The following URI1 variants were observed in gnomAD, a reference collection of about 807,000 sequenced individuals.
URI1 encodes the protein unconventional prefoldin RPB5 interactor 1.
Under a neutral mutation model 60.2 loss-of-function variants are expected in URI1, and 39 were observed. That is an observed-to-expected ratio of 0.65 (90% CI 0.50 to 0.85). The LOEUF (loss-of-function observed/expected upper bound fraction) is 0.85, where lower values mean the gene tolerates loss of function less well. Among genes scored for constraint, URI1 ranks in the 40% least tolerant of loss-of-function variants. The probability of loss-of-function intolerance (pLI) is 0.00; values close to 1 mark genes in which losing one functional copy is unlikely to be tolerated. For missense variants in URI1, 691 were observed against 665.9 expected, an observed-to-expected ratio of 1.04 and a Z score of -0.42; for synonymous variants, 251 against 236.8, an observed-to-expected ratio of 1.06 and a Z score of -0.55.
intron 1 of URI1, among the ~76,000 whole-genome samples, chr19:29,970,320 A>G (rs1320303745): frequency 2.0e-5 from 3 of 151,894 alleles, no homozygotes; most frequent in Admixed American, 2.0e-4. Flanking sequence ...TCTGTCTCTA[A>G]AATGGTATAT....
At position 29,985,882 on chromosome 19, in the gene URI1, A is replaced by G. The variant is rs557780431; in HGVS notation, c.232-400A>G. Among the ~76,000 whole-genome samples, 5 of 152,214 alleles carry G rather than the reference A, an allele frequency of 3.3e-5. No homozygotes were observed. In the East Asian group the frequency reaches 9.6e-4, roughly 29 times the overall value. On this transcript the variant is annotated intron_variant, in intron 3 of 10. Transcript: ENST00000392271. ...TTTGTTTACTAATTCCTGCTTTGCA[A>G]AAGTGTCTACTTTATTGAAAATAAT...
At chr19:29,974,125 T>C (rs2055491955) in intron 2 of URI1, among the ~76,000 whole-genome samples, 1 of 152,192 alleles carries the variant, frequency 6.6e-6, no homozygotes. Context: ...GTTTTGACCT[T>C]GAACAATTAT....
At position 30,009,064 on chromosome 19, in the gene URI1, A is replaced by G. The variant is rs763464960; in HGVS notation, c.746A>G (p.Glu249Gly). Residue 249 changes from glutamate (E) to glycine (G), a missense_variant, in exon 8 of 11, where the codon GAA (glutamate) becomes GGA (glycine). Glu to Gly is a moderately conservative substitution (Grantham distance 98, BLOSUM62 -2). Transcript: ENST00000392271. Reference sequence around the variant, plus strand: ...ACGACATCTTCTGAAGAGGAAAAGGAAGATCGTAACACAAATGTGAATGCG... The same window carrying G: ...ACGACATCTTCTGAAGAGGAAAAGGGAGATCGTAACACAAATGTGAATGCG... ...EDTTSSEEEK[E>G]DRNTNVNAMH... 5.0e-6 allele frequency: 8 copies of G among 1,613,970 alleles called. No individual in the cohort carries two copies. Among genetic ancestry groups the G allele is most frequent in the Middle Eastern group, 3.3e-4 (2 of 6,062 alleles).
chr19:30,012,225 AGTT>A (rs1370823625), intron 9 of URI1, 57 bp from the exon 10 acceptor site: 46 of 1,498,572 alleles, frequency 3.1e-5, no homozygotes, highest in Middle Eastern at 1.8e-4. Flanking sequence ...ATTTTCAAAA[AGTT>A]GTTCTCAGTT....
intron 1 of URI1, among the ~76,000 whole-genome samples, chr19:29,930,834 A>G (rs2054910267): frequency 6.7e-6 from 1 of 150,350 alleles, no homozygotes; most frequent in African/African-American, 2.4e-5. Context: ...AGTAGACAGG[A>G]ATACTACTAA....
In URI1 at chr19:29,927,450, C is replaced by T. The variant is rs142363557; in HGVS notation, c.63+3696C>T. On this transcript the variant is annotated intron_variant, in intron 1 of 10. Coordinates refer to the URI1 transcript ENST00000360605. ...GGCTAATCTTTTATTTTAGTAGACA[C>T]GGGGTTTCACCATATTGGCCAGGCT... Among the ~76,000 whole-genome samples the T allele has an allele frequency of 1.6e-3, 242 of 150,918 alleles. 1 individual carries two copies. Among genetic ancestry groups the T allele is most frequent in the African/African-American group, 5.4e-3 (222 of 41,050 alleles).
At chr19:29,948,971 C>A (rs1186049815) in intron 1 of URI1, among the ~76,000 whole-genome samples, 1 of 150,184 alleles carries the variant, frequency 6.7e-6, no homozygotes, top group Non-Finnish European at 1.5e-5. Flanking sequence ...GGAGGCGCCC[C>A]CCACCTCCCG....
intron 4 of URI1, among the ~76,000 whole-genome samples, chr19:30,000,480 G>A (rs1388824175): frequency 6.6e-6 from 1 of 151,808 alleles, no homozygotes; most frequent in African/African-American, 2.4e-5. Context: ...GAATTTTTAT[G>A]TATCTGAATA....
intron 5 of URI1, 61 bp from the exon 6 acceptor site, chr19:30,005,590 A>G: frequency 1.9e-6 from 3 of 1,576,012 alleles, no homozygotes; most frequent in Middle Eastern, 1.7e-4. Context: ...TGCTCTTTGG[A>G]TAATTTTAGT....
chr19:29,991,052 C>G lies in URI1; in HGVS notation c.367+4635C>G, dbSNP rs145017034. 9.9e-5 allele frequency among the ~76,000 whole-genome samples: 15 copies of G among 152,220 alleles called. No individual in the cohort carries two copies. In the East Asian group the frequency reaches 2.9e-3, roughly 29 times the overall value. On this transcript the variant is annotated intron_variant, in intron 4 of 10. Coordinates refer to ENST00000392271, the MANE Select transcript of URI1 (RefSeq NM_003796.3). ...CCTTAAAGTTGGTAGTACGGGTGCTCTAAGTTTATTCTTTCCAAATTGTTT... is the reference window on the plus strand; with the variant it reads ...CCTTAAAGTTGGTAGTACGGGTGCTGTAAGTTTATTCTTTCCAAATTGTTT...
At chr19:29,971,313 G>A (rs768289830) in intron 2 of URI1, 86 bp downstream of exon 2, 5 of 1,335,160 alleles carry the variant, frequency 3.7e-6, no homozygotes, top group South Asian at 1.2e-5. Flanking sequence ...CTGTTTGCGT[G>A]TGTGTGTATG....
intron 2 of URI1, among the ~76,000 whole-genome samples, chr19:29,984,040 GT>G (rs1230767896): frequency 6.6e-6 from 1 of 152,120 alleles, no homozygotes; most frequent in Non-Finnish European, 1.5e-5. Flanking sequence ...TCAGCCTAAG[GT>G]TTTCTGATGA....
intron 1 of URI1, among the ~76,000 whole-genome samples, chr19:29,966,104 AT>A (rs2055388124): frequency 6.6e-6 from 1 of 152,226 alleles, no homozygotes; most frequent in African/African-American, 2.4e-5. Context: ...TTTGTTTAAA[AT>A]TGAAATGGTT....
intron 1 of URI1, among the ~76,000 whole-genome samples, chr19:29,948,421 A>G (rs2055129030): frequency 6.6e-6 from 1 of 152,198 alleles, no homozygotes; most frequent in Non-Finnish European, 1.5e-5. Flanking sequence ...CAAGTTTGCT[A>G]TGAGTTTTTA....
chr19:29,953,912 A>G (rs956912510), intron 1 of URI1, among the ~76,000 whole-genome samples: 4 of 152,066 alleles, frequency 2.6e-5, no homozygotes, highest in African/African-American at 9.7e-5. Flanking sequence ...CCTCTAAGAG[A>G]AGATAAAAGG....
intron 10 of URI1, chr19:30,012,761 A>G (rs776998678): frequency 1.9e-5 from 8 of 430,332 alleles, no homozygotes; most frequent in African/African-American, 4.1e-5. Context: ...CAAAATGGGA[A>G]ATTTAAAATG....
At position 30,015,723 on chromosome 19, in the gene URI1, A is replaced by T. The variant is rs538484863; in HGVS notation, c.*654A>T. 1.3e-6 allele frequency: 1 copy of T among 773,024 alleles called. No homozygotes were observed. The highest frequency in any genetic ancestry group is 2.7e-5 in the East Asian group (1 of 37,166). The allele number at this position is 773,024 out of a possible 1,614,324, so 47.9% of individuals were successfully genotyped here. On this transcript the variant is annotated 3_prime_UTR_variant, in exon 11 of 11. Transcript: ENST00000392271. ...TGGTCTCAAAAATGTTGTGAACTTT[A>T]TGATTCAAAATTGAGTACAGATATG...
intron 1 of URI1, among the ~76,000 whole-genome samples, chr19:29,968,490 T>C (rs928910683): frequency 4.0e-5 from 6 of 151,794 alleles, no homozygotes; most frequent in African/African-American, 1.2e-4. Flanking sequence ...TTAGAATAAT[T>C]TAACTTAAGG....
intron 4 of URI1, among the ~76,000 whole-genome samples, chr19:30,000,014 T>C (rs188823074): frequency 1.3e-3 from 195 of 151,852 alleles, no homozygotes; most frequent in Admixed American, 2.4e-3. Flanking sequence ...ATTAACTACC[T>C]GTCTATAATT....
Sources: gnomAD v4.1 joint callset for allele counts (sites outside exome capture counted in the v4.1 genomes callset) on GRCh38, gnomAD v4.1.1 for gene constraint, MANE v1.5 for transcripts, NCBI Gene and HGNC (gene_info 2026-07-23, HGNC 2026-07-21) for gene names.